Variants in KAZN observed in about 807,000 individuals in gnomAD.
The protein encoded by KAZN is kazrin.
Under a neutral mutation model 87.4 loss-of-function variants are expected in KAZN, and 40 were observed. That is an observed-to-expected ratio of 0.46 (90% confidence interval 0.36 to 0.60). The LOEUF (loss-of-function observed/expected upper bound fraction) is 0.60. KAZN is among the 20% of genes least tolerant of loss of function. KAZN has a pLI of 0.00. For synonymous variants in KAZN, 466 were observed against 458.3 expected (o/e 1.02, Z -0.22); for missense variants, 898 against 1,073.9 (o/e 0.84, Z 2.29).
intron 1 of KAZN, among the ~76,000 whole-genome samples, chr1:14,832,292 A>G (rs927595724): frequency 6.6e-6 from 1 of 151,776 alleles, no homozygotes; most frequent in Non-Finnish European, 1.5e-5. Flanking sequence ...ACGTCTCTCT[A>G]TCTCTGGGAT....
chr1:14,520,936 A>C (rs1310496617), intron 2 of KAZN, among the ~76,000 whole-genome samples: 1 of 152,190 alleles, frequency 6.6e-6, no homozygotes, highest in Non-Finnish European at 1.5e-5. Context: ...GGTTCCCCTA[A>C]GGCATTGTTC....
intron 1 of KAZN, among the ~76,000 whole-genome samples, chr1:14,920,959 C>T (rs1018919113): frequency 1.2e-4 from 19 of 152,150 alleles, no homozygotes; most frequent in Non-Finnish European, 2.5e-4. Context: ...AATGTACCTC[C>T]CCACCCAAGA....
At chr1:13,923,390 G>A (rs567223749) in intron 1 of KAZN, among the ~76,000 whole-genome samples, 1 of 152,078 alleles carries the variant, frequency 6.6e-6, no homozygotes, top group East Asian at 1.9e-4. Context: ...TGGCTAACAT[G>A]GTGAAACCCC....
intron 2 of KAZN, among the ~76,000 whole-genome samples, chr1:14,254,017 G>T (rs1405080776): frequency 6.6e-6 from 1 of 151,706 alleles, no homozygotes; most frequent in Non-Finnish European, 1.5e-5. Flanking sequence ...TGGAGTTTAT[G>T]AAATGTCTTA....
At chr1:14,445,705 T>C (rs1430333435) in intron 2 of KAZN, among the ~76,000 whole-genome samples, 1 of 152,144 alleles carries the variant, frequency 6.6e-6, no homozygotes, top group Non-Finnish European at 1.5e-5. Context: ...GGGATTGTAC[T>C]GAGAACACCT....
In KAZN at chr1:14,373,198, AAT is replaced by A. The variant is rs58491688; in HGVS notation, c.249+192633_249+192634del. ...TTGTTAGGGTTCTCCTGAAAAACTGAATATATATATATATATATATATATATA... is the reference window on the plus strand; with the variant it reads ...TTGTTAGGGTTCTCCTGAAAAACTGAATATATATATATATATATATATATA... On this transcript the variant is annotated intron_variant, in intron 2 of 16. Transcript: ENST00000636203. Among the ~76,000 whole-genome samples the A allele has an allele frequency of 9.6e-3, 1,430 of 149,204 alleles. 25 individuals carry two copies. Among genetic ancestry groups the A allele is most frequent in the African/African-American group, 0.033 (1,339 of 40,044 alleles).
chr1:14,012,436 T>C (rs1451021776), intron 1 of KAZN, among the ~76,000 whole-genome samples: 2 of 152,172 alleles, frequency 1.3e-5, no homozygotes. Flanking sequence ...TGACTCCAGA[T>C]GAAAATGGGC....
At chr1:14,541,036 G>A (rs72645987) in intron 2 of KAZN, among the ~76,000 whole-genome samples, 5,573 of 152,208 alleles carry the variant, frequency 0.037, 155 homozygotes, top group South Asian at 0.1. Context: ...TCTAAGGAGT[G>A]GGCAACAGAC....
intron 1 of KAZN, among the ~76,000 whole-genome samples, chr1:14,778,820 T>C (rs889212665): frequency 6.6e-6 from 1 of 152,178 alleles, no homozygotes. Flanking sequence ...AGAATTCTGG[T>C]AAAGCTGGGC....
intron 1 of KAZN, among the ~76,000 whole-genome samples, chr1:14,018,786 A>C (rs1049282268): frequency 2.6e-5 from 4 of 152,118 alleles, no homozygotes; most frequent in African/African-American, 9.7e-5. Flanking sequence ...GGACTGCAGG[A>C]CTTACACCAT....
intron 8 of KAZN, among the ~76,000 whole-genome samples, chr1:15,087,192 G>A (rs2100653428): frequency 6.6e-6 from 1 of 152,344 alleles, no homozygotes. Flanking sequence ...CAAGCCACAT[G>A]TGTAACTTTA....
intron 1 of KAZN, among the ~76,000 whole-genome samples, chr1:14,701,347 T>C (rs774834268): frequency 3.3e-5 from 5 of 152,188 alleles, no homozygotes; most frequent in Non-Finnish European, 5.9e-5. Context: ...CCCAGGCTGG[T>C]CGTGAACTCC....
At chr1:14,514,329 A>AAAAAAATATATATATAT (rs373748578) in intron 2 of KAZN, among the ~76,000 whole-genome samples, 1 of 23,494 alleles carries the variant, frequency 4.3e-5, no homozygotes, top group African/African-American at 1.2e-4. Flanking sequence ...TGTCTCAAAA[A>AAAAAAATATATATATAT]ATTTATATAT....
chr1:13,938,819 C>T lies in KAZN; in HGVS notation c.91+45063C>T, dbSNP rs536614662. On this transcript the variant is annotated intron_variant, in intron 1 of 16. Transcript: ENST00000636203. ...CCTTCACTCTCTGTGTGCCTGCAGG[C>T]TTAACACCATGTGGAAGTTGCCAAG... is the stretch of plus-strand genomic sequence containing the variant. Among the ~76,000 whole-genome samples the T allele has an allele frequency of 2.6e-5, 4 of 152,352 alleles. No homozygotes were observed. In the South Asian group the frequency reaches 6.2e-4, roughly 24 times the overall value.
At chr1:14,821,581 C>T (rs1194010856) in intron 1 of KAZN, among the ~76,000 whole-genome samples, 1 of 151,488 alleles carries the variant, frequency 6.6e-6, no homozygotes. Flanking sequence ...CCCAATACAA[C>T]TGGTGTCCTT....
chr1:14,489,783 T>C (rs892890266), intron 2 of KAZN, among the ~76,000 whole-genome samples: 2 of 141,694 alleles, frequency 1.4e-5, no homozygotes, highest in African/African-American at 5.1e-5. Flanking sequence ...GAATACACTG[T>C]TTTGAAATCA....
chr1:15,003,005 T>TACACACACAC (rs113317563), intron 2 of KAZN, among the ~76,000 whole-genome samples: 8 of 131,426 alleles, frequency 6.1e-5, no homozygotes, highest in African/African-American at 1.3e-4. Context: ...AAAATAAACG[T>TACACACACAC]ACACACACAC....
intron 11 of KAZN, among the ~76,000 whole-genome samples, chr1:15,102,647 C>A (rs978327627): frequency 1.3e-5 from 2 of 152,206 alleles, no homozygotes; most frequent in Non-Finnish European, 2.9e-5. Flanking sequence ...CCTTCTCAAC[C>A]ACCCACTGAA....
chr1:14,639,222 A>G (rs1162143684), intron 1 of KAZN, among the ~76,000 whole-genome samples: 3 of 152,180 alleles, frequency 2.0e-5, no homozygotes, highest in Non-Finnish European at 4.4e-5. Flanking sequence ...GACAGAAGCC[A>G]GAGTGAGAAG....
Sources: gnomAD v4.1 joint callset for allele counts (sites outside exome capture counted in the v4.1 genomes callset) on GRCh38, gnomAD v4.1.1 for gene constraint, MANE v1.5 for transcripts, NCBI Gene and HGNC (gene_info 2026-07-23, HGNC 2026-07-21) for gene names.